Variants in ITIH5 observed in about 807,000 individuals in gnomAD.
ITIH5 encodes inter-alpha-trypsin inhibitor heavy chain 5.
A neutral mutation model predicts 77.5 loss-of-function variants in ITIH5; 65 were observed. That is an observed-to-expected ratio of 0.84 (90% CI 0.69 to 1.03). The LOEUF (loss-of-function observed/expected upper bound fraction) is 1.03, where lower values mean the gene tolerates loss of function less well. ITIH5 is among the 50% of genes least tolerant of loss of function. The pLI is 0.00. For missense variants in ITIH5, 1,208 were observed against 1,213.1 expected (o/e 1.00, Z 0.06); for synonymous variants, 525 against 494.3 (o/e 1.06, Z -0.82).
intron 13 of ITIH5, among the ~76,000 whole-genome samples, chr10:7,564,694 T>G (rs1265579860): frequency 6.6e-6 from 1 of 151,834 alleles, no homozygotes; most frequent in African/African-American, 2.4e-5. Flanking sequence ...AATGTATCCC[T>G]GTCATTAAGC....
Position 7,664,578 on chromosome 10 carries a change from T to C in ITIH5, c.90+2225A>G, listed in dbSNP as rs1161093634. Reference sequence around the variant, plus strand: ...GGGTGAAAACCACTGCTTTTAGGAGTCATTCCACTATGGGTTACTGAGTAC... The same window carrying C: ...GGGTGAAAACCACTGCTTTTAGGAGCCATTCCACTATGGGTTACTGAGTAC... On this transcript the variant is annotated intron_variant, in intron 1 of 13. Transcript: ENST00000397146. Among the ~76,000 whole-genome samples, 22 of 151,804 alleles carry C rather than the reference T, an allele frequency of 1.4e-4. 1 individual carries two copies. The highest frequency in any genetic ancestry group is 1.4e-3 in the Admixed American group (22 of 15,254).
In ITIH5 at chr10:7,566,085, C is replaced by A; in HGVS notation, c.2472G>T (p.Leu824=). ...CCTCGCTGTTGGCAATGTAGAAACC[C>A]AGGTGGTGTCGCTGGAAGGGCGCCG... ...KKPAPFQRHH[L]GFYIANSEGL... Residue 824 remains leucine (L), a synonymous_variant, in exon 13 of 14, where the codon CTG becomes CTT. Coordinates refer to ENST00000397146, the MANE Select transcript of ITIH5 (RefSeq NM_030569.7). 1 of 1,614,142 alleles carries A rather than the reference C, an allele frequency of 6.2e-7. No homozygotes were observed. The highest frequency in any genetic ancestry group is 8.5e-7 in the Non-Finnish European group (1 of 1,180,014).
rs1832667037 is a variant in ITIH5, at chr10:7,585,905, A to C, written c.1104T>G (p.Thr368=). ...AAAAGAAGGTGTCATCTTTACCTCCAGTGGGTGACATATGGTGAATGTACA... is the reference window on the plus strand; with the variant it reads ...AAAAGAAGGTGTCATCTTTACCTCCCGTGGGTGACATATGGTGAATGTACA... ...GKVYIHHMSP[T]GGTDINGALQ... The change falls in exon 8 of 14, where the codon ACT becomes ACG. Residue 368 remains threonine (T), a synonymous_variant. Coordinates refer to ENST00000397146, the MANE Select transcript of ITIH5 (RefSeq NM_030569.7). 1.2e-6 allele frequency: 2 copies of C among 1,606,076 alleles called. No individual in the cohort carries two copies. The highest frequency in any genetic ancestry group is 3.4e-5 in the Admixed American group (2 of 58,480).
chr10:7,592,091 G>A (rs1232227539), intron 7 of ITIH5, among the ~76,000 whole-genome samples: 7 of 152,052 alleles, frequency 4.6e-5, no homozygotes, highest in South Asian at 4.2e-4. Flanking sequence ...GGATGGTATC[G>A]ATCTCTCGAC....
rs141157541 is a variant in ITIH5 at position 7,581,936 on chromosome 10, C to T, written c.1109-1872G>A. On this transcript the variant is annotated intron_variant, in intron 8 of 13. Transcript: ENST00000397146. ...TTTCGCCCAAGGTGGAATGCAGTGG[C>T]GTGATCTTGGCTCACTGCAACCTCT... Among the ~76,000 whole-genome samples the T allele has an allele frequency of 8.6e-3, 1,212 of 140,852 alleles. 24 individuals are homozygous for T. The highest frequency in any genetic ancestry group is 0.031 in the African/African-American group (1,150 of 37,050). The allele number at this position is 140,852 out of a possible 152,430, so 92.4% of individuals were successfully genotyped here.
intron 5 of ITIH5, among the ~76,000 whole-genome samples, chr10:7,625,345 C>G (rs1466601543): frequency 6.6e-6 from 1 of 151,922 alleles, no homozygotes; most frequent in East Asian, 1.9e-4. Context: ...TTATCTGGGA[C>G]CAGGGGGAAG....
Position 7,641,995 on chromosome 10 carries a change from A to G in ITIH5, c.231T>C (p.Ala77=), listed in dbSNP as rs1474602715. 2 of 1,614,172 alleles carry G rather than the reference A, an allele frequency of 1.2e-6. No individual in the cohort carries two copies. The highest frequency in any genetic ancestry group is 1.7e-5 in the Admixed American group (1 of 60,026). ...GGAACTCAATGTCCTGGTCTTCAGA[A>G]GCTCTGTTCAGCATTCTGCAGGAAA... The part of the protein sequence containing the change: ...TTVSCRMLNR[A]SEDQDIEFQM... Residue 77 remains alanine (A), a synonymous_variant, in exon 3 of 14, where the codon GCT becomes GCC. Coordinates refer to ENST00000397146, the MANE Select transcript of ITIH5 (RefSeq NM_030569.7).
chr10:7,635,200 G>A (rs552122140), intron 5 of ITIH5, among the ~76,000 whole-genome samples: 12 of 152,162 alleles, frequency 7.9e-5, no homozygotes, highest in Non-Finnish European at 1.6e-4. Context: ...GCTTTCGAAG[G>A]CACCAATGAT....
At chr10:7,650,878 A>G (rs1834088074) in intron 2 of ITIH5, among the ~76,000 whole-genome samples, 1 of 152,110 alleles carries the variant, frequency 6.6e-6, no homozygotes, top group South Asian at 2.1e-4. Context: ...TGAATCACCT[A>G]CTTGTGCTAA....
At chr10:7,664,117 C>T (rs369730934) in intron 1 of ITIH5, among the ~76,000 whole-genome samples, 2 of 152,242 alleles carry the variant, frequency 1.3e-5, no homozygotes, top group African/African-American at 4.8e-5. Context: ...TCAAAGTGTG[C>T]GGCTAGGCAC....
At chr10:7,565,772 GCATA>G (rs1176591238) in intron 13 of ITIH5, among the ~76,000 whole-genome samples, 8 of 136,772 alleles carry the variant, frequency 5.8e-5, no homozygotes, top group Middle Eastern at 3.8e-3. Flanking sequence ...GTACACATAT[GCATA>G]CATACAGACT....
intron 11 of ITIH5, among the ~76,000 whole-genome samples, chr10:7,570,630 T>C (rs1832278008): frequency 2.0e-5 from 3 of 152,206 alleles, no homozygotes; most frequent in Admixed American, 2.0e-4. Context: ...TTGTTTATTT[T>C]ATTTATTTTT....
chr10:7,659,487 T>C lies in ITIH5; in HGVS notation c.91-3812A>G, dbSNP rs1469053188. ...GCCATCATAGGGACCCTGGGCAAGT[T>C]CTTTATCAGTCTTGCATGATCATCT... On this transcript the variant is annotated intron_variant, in intron 1 of 13. Coordinates refer to ENST00000397146, the MANE Select transcript of ITIH5 (RefSeq NM_030569.7). Among the ~76,000 whole-genome samples the C allele has an allele frequency of 2.0e-5, 3 of 152,156 alleles. No individual in the cohort carries two copies. In the East Asian group the frequency reaches 5.8e-4, roughly 29 times the overall value.
rs367596805 is a variant in ITIH5 at position 7,573,224 on chromosome 10, G to C, written c.1979-29C>G. Reference sequence around the variant, plus strand: ...AAAGGGAGAAGGAAGAGAACATCATGGTCATTCCTTAAAGAAGATGAAGAG... The same window carrying C: ...AAAGGGAGAAGGAAGAGAACATCATCGTCATTCCTTAAAGAAGATGAAGAG... On this transcript the variant is annotated intron_variant, in intron 10 of 13. Transcript: ENST00000397146. 1.2e-4 allele frequency: 195 copies of C among 1,590,732 alleles called. No homozygotes were observed. The African/African-American group carries it at 2.4e-3, about 19-fold the overall frequency.
intron 8 of ITIH5, among the ~76,000 whole-genome samples, chr10:7,583,964 G>A (rs1210832772): frequency 6.6e-6 from 1 of 152,216 alleles, no homozygotes; most frequent in African/African-American, 2.4e-5. Flanking sequence ...CACATCTGAT[G>A]CTTAAAGAGG....
chr10:7,604,360 C>T (rs948363674), intron 7 of ITIH5, among the ~76,000 whole-genome samples: 12 of 152,288 alleles, frequency 7.9e-5, no homozygotes, highest in African/African-American at 2.9e-4. Context: ...CACCTCAGAG[C>T]GCCCAAGCTC....
At chr10:7,636,001 C>T (rs889163814) in intron 5 of ITIH5, among the ~76,000 whole-genome samples, 6 of 152,132 alleles carry the variant, frequency 3.9e-5, no homozygotes, top group Non-Finnish European at 8.8e-5. Context: ...AAATTCCAGT[C>T]CTGGTGCAAT....
rs1834167597 is a variant in ITIH5, at chr10:7,655,567, C to T, written c.135+64G>A. The T allele has an allele frequency of 1.1e-5, 15 of 1,340,036 alleles. No individual in the cohort carries two copies. The South Asian group carries it at 1.4e-4, about 13-fold the overall frequency. 83.0% of individuals were successfully genotyped at this position (1,340,036 alleles called of 1,614,324 possible). Reference sequence around the variant, plus strand: ...GAGGATCTGCAAGCAAAGTGGATACCTGGTTCAAAATAAATAGAAGAATGA... The same window carrying T: ...GAGGATCTGCAAGCAAAGTGGATACTTGGTTCAAAATAAATAGAAGAATGA... On this transcript the variant is annotated intron_variant, in intron 2 of 13. Transcript: ENST00000397146.
At chr10:7,565,890 A>G in intron 13 of ITIH5, 140 bp downstream of exon 13, 1 of 1,079,364 alleles carries the variant, frequency 9.3e-7, no homozygotes, top group Admixed American at 2.4e-5. Flanking sequence ...ACATACATAC[A>G]TATGCGGACT....
Sources: allele counts gnomAD v4.1 joint callset (sites outside exome capture counted in the v4.1 genomes callset), GRCh38; gene constraint gnomAD v4.1.1; transcripts MANE v1.5; gene names NCBI Gene and HGNC (gene_info 2026-07-23, HGNC 2026-07-21).